Variants in DOCK9 observed in about 807,000 individuals in gnomAD.
DOCK9 encodes dedicator of cytokinesis protein 9.
DOCK9 carries 89 observed loss-of-function variants against 263.3 expected under a neutral mutation model. The ratio of observed to expected loss-of-function variants is 0.34; its 90% confidence interval spans 0.28 to 0.40. The LOEUF is 0.40. DOCK9 is among the 10% of genes least tolerant of loss of function. DOCK9 has a pLI of 1.00. For synonymous variants in DOCK9, 976 were observed against 973.1 expected, an observed-to-expected ratio of 1.00 and a Z score of -0.06; for missense variants, 2,140 against 2,603.4, an observed-to-expected ratio of 0.82 and a Z score of 3.87.
intron 1 of DOCK9, among the ~76,000 whole-genome samples, chr13:98,974,512 G>T (rs1390784238): frequency 6.6e-6 from 1 of 152,064 alleles, no homozygotes; most frequent in Non-Finnish European, 1.5e-5. Context: ...CACTTTGGGA[G>T]GCCAAAGCAG....
At chr13:99,004,701 C>T (rs1259904919) in intron 1 of DOCK9, among the ~76,000 whole-genome samples, 2 of 151,976 alleles carry the variant, frequency 1.3e-5, no homozygotes, top group Non-Finnish European at 2.9e-5. Flanking sequence ...AGGATGAGGT[C>T]ATTCATTGTT....
intron 1 of DOCK9, among the ~76,000 whole-genome samples, chr13:99,037,726 A>G (rs1485693887): frequency 6.8e-6 from 1 of 146,828 alleles, no homozygotes; most frequent in Non-Finnish European, 1.5e-5. Flanking sequence ...AATTTCCATC[A>G]ACAAACTAAC....
intron 1 of DOCK9, among the ~76,000 whole-genome samples, chr13:99,039,384 C>T (rs1170760970): frequency 1.3e-5 from 2 of 152,096 alleles, no homozygotes; most frequent in Admixed American, 6.5e-5. Flanking sequence ...GGAAGAAAAC[C>T]ATTTTCTTCC....
At chr13:99,026,651 G>T (rs1408306904) in intron 1 of DOCK9, among the ~76,000 whole-genome samples, 1 of 152,152 alleles carries the variant, frequency 6.6e-6, no homozygotes, top group African/African-American at 2.4e-5. Flanking sequence ...TTATTTTGCA[G>T]ATGTTTTCCC....
At chr13:99,012,703 T>C (rs1884717808) in intron 1 of DOCK9, among the ~76,000 whole-genome samples, 1 of 152,216 alleles carries the variant, frequency 6.6e-6, no homozygotes, top group South Asian at 2.1e-4. Context: ...AGAGGTAGTC[T>C]GGACAATATC....
chr13:99,012,325 T>C (rs905552296), intron 1 of DOCK9, among the ~76,000 whole-genome samples: 13 of 152,198 alleles, frequency 8.5e-5, no homozygotes, highest in African/African-American at 2.9e-4. Flanking sequence ...ACCAGGCATG[T>C]GGTTCTCTGA....
intron 1 of DOCK9, among the ~76,000 whole-genome samples, chr13:99,032,367 T>C (rs1467261619): frequency 2.0e-5 from 3 of 151,790 alleles, no homozygotes; most frequent in Non-Finnish European, 4.4e-5. Context: ...TCCCAGCATC[T>C]TGGGAGGCAG....
intron 1 of DOCK9, among the ~76,000 whole-genome samples, chr13:99,053,278 A>T (rs1419645333): frequency 1.3e-5 from 2 of 152,198 alleles, no homozygotes; most frequent in African/African-American, 4.8e-5. Flanking sequence ...AGCCTATACA[A>T]ATTTGCAGGA....
chr13:98,889,069 G>A (rs1350550027), intron 15 of DOCK9, among the ~76,000 whole-genome samples: 1 of 152,194 alleles, frequency 6.6e-6, no homozygotes, highest in East Asian at 1.9e-4. Context: ...GCACTACACA[G>A]TACAGGTCTA....
chr13:99,067,817 C>T (rs1041292044), intron 1 of DOCK9, among the ~76,000 whole-genome samples: 1 of 151,874 alleles, frequency 6.6e-6, no homozygotes, highest in Non-Finnish European at 1.5e-5. Flanking sequence ...GGGCCCATTG[C>T]CCAGGGTGGA....
intron 1 of DOCK9, among the ~76,000 whole-genome samples, chr13:99,077,872 GAAGA>G (rs1488867302): frequency 1.3e-5 from 2 of 152,296 alleles, no homozygotes; most frequent in African/African-American, 2.4e-5. Flanking sequence ...GTAGCGTGTG[GAAGA>G]AATAAACCTT....
chr13:98,962,536 A>G (rs1323053056), intron 1 of DOCK9, among the ~76,000 whole-genome samples: 1 of 152,180 alleles, frequency 6.6e-6, no homozygotes, highest in African/African-American at 2.4e-5. Flanking sequence ...GACTCAACTG[A>G]GTCAATGCAT....
intron 1 of DOCK9, among the ~76,000 whole-genome samples, chr13:99,008,952 A>G (rs961599525): frequency 1.7e-4 from 26 of 152,230 alleles, no homozygotes; most frequent in Non-Finnish European, 1.9e-4. Context: ...AATTCAGTCC[A>G]TTGCAACTTG....
intron 23 of DOCK9, among the ~76,000 whole-genome samples, chr13:98,882,424 T>A (rs2044941940): frequency 6.6e-6 from 1 of 152,184 alleles, no homozygotes; most frequent in African/African-American, 2.4e-5. Context: ...GGATATGTAT[T>A]CCATTTTCCT....
At chr13:98,811,539 TAGCTGGGATTAC>T (rs2091299666) in intron 45 of DOCK9, among the ~76,000 whole-genome samples, 1 of 152,220 alleles carries the variant, frequency 6.6e-6, no homozygotes, top group African/African-American at 2.4e-5. Flanking sequence ...GTCTCCCAAG[TAGCTGGGATTAC>T]AGCTGTGCAC....
intron 2 of DOCK9, among the ~76,000 whole-genome samples, chr13:98,949,265 T>G (rs7987680): frequency 0.41 from 62,587 of 151,920 alleles, 13,190 homozygotes; most frequent in East Asian, 0.56. Flanking sequence ...CAGAGACAAC[T>G]GAGTATTTAT....
At chr13:99,059,183 TGTCTG>T (rs1163377547) in intron 1 of DOCK9, among the ~76,000 whole-genome samples, 1 of 152,160 alleles carries the variant, frequency 6.6e-6, no homozygotes, top group African/African-American at 2.4e-5. Flanking sequence ...CTGGCTCAAA[TGTCTG>T]CAGTCGAGTC....
At chr13:99,044,676 G>A (rs10492574) in intron 1 of DOCK9, among the ~76,000 whole-genome samples, 1 of 152,082 alleles carries the variant, frequency 6.6e-6, no homozygotes, top group Admixed American at 6.5e-5. Context: ...AGAACAAAAA[G>A]CTACGGAGCT....
chr13:99,087,836 A>G (rs561085139), upstream of DOCK9: 2 of 152,106 alleles, frequency 1.3e-5, no homozygotes, highest in African/African-American at 2.4e-5. Flanking sequence ...ACAGTTCCTT[A>G]CCTGCCGGGT....
Sources: gnomAD v4.1 joint callset for allele counts (sites outside exome capture counted in the v4.1 genomes callset) on GRCh38, gnomAD v4.1.1 for gene constraint, MANE v1.5 for transcripts, NCBI Gene and HGNC (gene_info 2026-07-23, HGNC 2026-07-21) for gene names.